Variants in FAM107B observed in about 807,000 individuals in gnomAD.
FAM107B encodes protein FAM107B.
Under a neutral mutation model 31.5 loss-of-function variants are expected in FAM107B, and 21 were observed. The observed-to-expected ratio is 0.67, with a 90% CI of 0.47 to 0.96. The LOEUF (loss-of-function observed/expected upper bound fraction) is 0.96. Among genes scored for constraint, FAM107B ranks in the 40% least tolerant of loss-of-function variants. The pLI is 0.00. For synonymous variants in FAM107B, 157 were observed against 141.5 expected (o/e 1.11, Z -0.78); for missense variants, 452 against 377.1 (o/e 1.20, Z -1.64).
chr10:14,676,487 AT>A (rs1326280297), intron 1 of FAM107B, among the ~76,000 whole-genome samples: 1 of 152,204 alleles, frequency 6.6e-6, no homozygotes, highest in Non-Finnish European at 1.5e-5. Context: ...TGTTAAATGA[AT>A]TCACTTGTTT....
chr10:14,758,339 C>G (rs1169006422), intron 1 of FAM107B, among the ~76,000 whole-genome samples: 1 of 152,112 alleles, frequency 6.6e-6, no homozygotes. Flanking sequence ...GCCTATTTCA[C>G]GGAAATACTG....
intron 1 of FAM107B, among the ~76,000 whole-genome samples, chr10:14,724,942 A>G (rs990313589): frequency 5.9e-5 from 9 of 152,258 alleles, no homozygotes; most frequent in African/African-American, 1.9e-4. Flanking sequence ...AAACATTTGC[A>G]GAACCATCCA....
At chr10:14,555,752 G>A (rs1200473151) in intron 2 of FAM107B, 3 of 152,234 alleles carry the variant, frequency 2.0e-5, no homozygotes, top group African/African-American at 7.2e-5. Context: ...CCCAGTCCTT[G>A]CTCTGCCACC....
At chr10:14,599,531 G>A (rs2131366270) in intron 2 of FAM107B, among the ~76,000 whole-genome samples, 1 of 152,262 alleles carries the variant, frequency 6.6e-6, no homozygotes, top group Non-Finnish European at 1.5e-5. Context: ...GGCTAGGCCT[G>A]GGGGCTCACG....
chr10:14,764,780 A>T (rs1465365990), intron 1 of FAM107B, among the ~76,000 whole-genome samples: 1 of 152,220 alleles, frequency 6.6e-6, no homozygotes, highest in Non-Finnish European at 1.5e-5. Flanking sequence ...TTTCCAACAT[A>T]CCCAGTGAGT....
chr10:14,666,160 A>G (rs1854398657), intron 2 of FAM107B, among the ~76,000 whole-genome samples: 1 of 152,190 alleles, frequency 6.6e-6, no homozygotes, highest in Admixed American at 6.5e-5. Context: ...AGATTAACAG[A>G]AAGATTATTT....
At chr10:14,538,906 T>C (rs921464501) in intron 2 of FAM107B, among the ~76,000 whole-genome samples, 1 of 152,230 alleles carries the variant, frequency 6.6e-6, no homozygotes, top group Non-Finnish European at 1.5e-5. Context: ...TTTTATAAAA[T>C]TATTTAACCT....
chr10:14,620,017 CTTTTTT>C (rs71388190), intron 2 of FAM107B, among the ~76,000 whole-genome samples: 1 of 83,890 alleles, frequency 1.2e-5, no homozygotes, highest in Admixed American at 1.3e-4. Flanking sequence ...TTCTTTCTTT[CTTTTTT>C]TTTTTTTTTT....
At chr10:14,735,852 G>T (rs2131565329) in intron 1 of FAM107B, among the ~76,000 whole-genome samples, 1 of 152,140 alleles carries the variant, frequency 6.6e-6, no homozygotes, top group Non-Finnish European at 1.5e-5. Context: ...CCTAAGATTT[G>T]GGGTTAGCAT....
chr10:14,700,578 G>A (rs1218016889), intron 1 of FAM107B, among the ~76,000 whole-genome samples: 2 of 151,960 alleles, frequency 1.3e-5, no homozygotes, highest in African/African-American at 4.8e-5. Context: ...GGGTGGGGTG[G>A]GAGTCTGAAA....
chr10:14,738,019 C>T, intron 1 of FAM107B, among the ~76,000 whole-genome samples: 1 of 152,130 alleles, frequency 6.6e-6, no homozygotes, highest in East Asian at 1.9e-4. Context: ...AGAGTGTTTC[C>T]CATGTGCCAG....
Position 14,747,366 on chromosome 10 carries a change from A to G in FAM107B, c.411+26887T>C, listed in dbSNP as rs1564285661. 3.9e-5 allele frequency among the ~76,000 whole-genome samples: 6 copies of G among 152,148 alleles called. No individual in the cohort carries two copies. The South Asian group carries it at 1.0e-3, about 26-fold the overall frequency. The stretch of plus-strand genomic sequence containing the variant: ...GATGTGTTGTGATCATTTGGAGAAG[A>G]GGCACTCTCATTTTTGAGTTTTCAG... On this transcript the variant is annotated intron_variant, in intron 1 of 4. Coordinates refer to ENST00000181796, the MANE Select transcript of FAM107B (RefSeq NM_031453.4).
At position 14,519,759 on chromosome 10, in the gene FAM107B, G is replaced by A. The variant is rs1166984803; in HGVS notation, c.*1431C>T. 2 of 152,162 alleles carry A rather than the reference G, an allele frequency of 1.3e-5. No homozygotes were observed. Among genetic ancestry groups the A allele is most frequent in the African/African-American group, 2.4e-5 (1 of 41,416 alleles). The allele number at this position is 152,162 out of a possible 1,614,324, so 9.4% of individuals were successfully genotyped here. Reference sequence around the variant, plus strand: ...AAGCTCTAGATCCAGCTTTCTATGAGTCTTCAAAGAAAGTATGAGAAGTCT... The same window carrying A: ...AAGCTCTAGATCCAGCTTTCTATGAATCTTCAAAGAAAGTATGAGAAGTCT... On this transcript the variant is annotated 3_prime_UTR_variant, in exon 5 of 5. Coordinates refer to ENST00000181796, the MANE Select transcript of FAM107B (RefSeq NM_031453.4).
intron 1 of FAM107B, among the ~76,000 whole-genome samples, chr10:14,710,670 C>T (rs189655739): frequency 8.4e-4 from 127 of 152,020 alleles, no homozygotes; most frequent in Admixed American, 2.2e-3. Flanking sequence ...GGCCTGGGCT[C>T]ATAATGTGTG....
intron 2 of FAM107B, among the ~76,000 whole-genome samples, chr10:14,635,071 A>G (rs1003074050): frequency 6.7e-6 from 1 of 148,686 alleles, no homozygotes; most frequent in African/African-American, 2.5e-5. Flanking sequence ...AGACTGGGCA[A>G]GAGAGAGAGA....
At chr10:14,728,904 A>G (rs1441210338) in intron 1 of FAM107B, among the ~76,000 whole-genome samples, 2 of 152,146 alleles carry the variant, frequency 1.3e-5, no homozygotes. Flanking sequence ...TTCCCTATTA[A>G]TCTGCCTCGT....
chr10:14,641,169 A>G (rs1269958876), intron 2 of FAM107B, among the ~76,000 whole-genome samples: 1 of 152,246 alleles, frequency 6.6e-6, no homozygotes, highest in African/African-American at 2.4e-5. Flanking sequence ...CACCTTCTGT[A>G]GTTTTTTTCT....
chr10:14,556,010 T>A (rs1222332052), intron 2 of FAM107B: 1 of 152,424 alleles, frequency 6.6e-6, no homozygotes, highest in Non-Finnish European at 1.5e-5. Context: ...AGAAATCTGA[T>A]TTTACCTGGC....
rs1833384782 is a variant in FAM107B, at chr10:14,774,776, T to C, written c.-113A>G. The C allele has an allele frequency of 1.7e-6, 2 of 1,178,208 alleles. No individual in the cohort carries two copies. The highest frequency in any genetic ancestry group is 2.7e-5 in the Admixed American group (1 of 37,322). The allele number at this position is 1,178,208 out of a possible 1,614,324, so 73.0% of individuals were successfully genotyped here. A position where few individuals can be genotyped will look rare whatever the true frequency, so the allele number is the denominator to read the frequency against. On this transcript the variant is annotated 5_prime_UTR_variant, in exon 1 of 5. Coordinates refer to ENST00000181796, the MANE Select transcript of FAM107B (RefSeq NM_031453.4). Reference sequence around the variant, plus strand: ...TTTCCAATTGCCCGAAGAGAAGAACTTGCTAGTGGTTGCCCCTAAATAGAA... The same window carrying C: ...TTTCCAATTGCCCGAAGAGAAGAACCTGCTAGTGGTTGCCCCTAAATAGAA...
Sources: gnomAD v4.1 joint callset for allele counts (sites outside exome capture counted in the v4.1 genomes callset) on GRCh38, gnomAD v4.1.1 for gene constraint, MANE v1.5 for transcripts, NCBI Gene and HGNC (gene_info 2026-07-23, HGNC 2026-07-21) for gene names.